OR6C74: variants seen among roughly 807,000 people sequenced by gnomAD.
OR6C74 encodes the protein olfactory receptor family 6 subfamily C member 74.
For synonymous variants in OR6C74, 142 were observed against 134.2 expected (o/e 1.06, Z -0.40); for missense variants, 361 against 362.9 (o/e 0.99, Z 0.04).
chr12:55,248,887 T>G lies in OR6C74; in HGVS notation c.*661T>G, dbSNP rs1478557069. ...TACAATGTGCCAGATGTTATTAAAT[T>G]TATTAGTTCCATCTTCAAAACTCTG... On this transcript the variant is annotated 3_prime_UTR_variant, in exon 2 of 2. Coordinates refer to ENST00000343399, the MANE Select transcript of OR6C74 (RefSeq NM_001005490.2). Among the ~76,000 whole-genome samples the G allele has an allele frequency of 6.6e-6, 1 of 152,218 alleles. No individual in the cohort carries two copies. Among genetic ancestry groups the G allele is most frequent in the Admixed American group, 6.5e-5 (1 of 15,288 alleles).
At chr12:55,245,662 C>T (rs1954265796) in intron 1 of OR6C74, among the ~76,000 whole-genome samples, 2 of 151,988 alleles carry the variant, frequency 1.3e-5, no homozygotes, top group African/African-American at 4.8e-5. Context: ...ATAGTTTTTT[C>T]ATTGCTGTTT....
Position 55,248,331 on chromosome 12 carries a change from T to C in OR6C74, c.*105T>C. On this transcript the variant is annotated 3_prime_UTR_variant, in exon 2 of 2. Coordinates refer to ENST00000343399, the MANE Select transcript of OR6C74 (RefSeq NM_001005490.2). ...GTATTCAATAATATTACCTCTTTTT[T>C]GACTTATAATTTTCATTATGGCCTT... 1 of 694,676 alleles carries C rather than the reference T, an allele frequency of 1.4e-6. No homozygotes were observed. Among genetic ancestry groups the C allele is most frequent in the Non-Finnish European group, 2.3e-6 (1 of 426,850 alleles). The allele number at this position is 694,676 out of a possible 1,614,324, so 43.0% of individuals were successfully genotyped here.
chr12:55,248,230 A>C lies in OR6C74; in HGVS notation c.*4A>C, dbSNP rs781030139. On this transcript the variant is annotated 3_prime_UTR_variant, in exon 2 of 2. Coordinates refer to ENST00000343399, the MANE Select transcript of OR6C74 (RefSeq NM_001005490.2). ...TGAACTTTTCTCAATGAAATGAATC[A>C]CTTTAACGATATTATTAAGGTTATT... The C allele has an allele frequency of 1.2e-5, 18 of 1,553,262 alleles. No homozygotes were observed. The highest frequency in any genetic ancestry group is 1.5e-5 in the Non-Finnish European group (17 of 1,130,700).
At position 55,255,737 on chromosome 12, in the gene OR6C74, G is replaced by T. The variant is rs1004696380; in HGVS notation, c.*7511G>T. Among the ~76,000 whole-genome samples the T allele has an allele frequency of 6.6e-5, 10 of 152,126 alleles. No individual in the cohort carries two copies. The highest frequency in any genetic ancestry group is 6.6e-4 in the Admixed American group (10 of 15,264). Reference sequence around the variant, plus strand: ...ACACCGCATGTTCTCACTCATAAGTGGGAGTTGAACAATGACAGAGAAGAA... The same window carrying T: ...ACACCGCATGTTCTCACTCATAAGTTGGAGTTGAACAATGACAGAGAAGAA... On this transcript the variant is annotated 3_prime_UTR_variant, in exon 2 of 2. Coordinates refer to ENST00000343399, the MANE Select transcript of OR6C74 (RefSeq NM_001005490.2).
intron 1 of OR6C74, among the ~76,000 whole-genome samples, chr12:55,245,598 C>G (rs910708981): frequency 5.3e-5 from 8 of 152,106 alleles, no homozygotes; most frequent in Non-Finnish European, 5.9e-5. Context: ...TATCACCCAG[C>G]AAGCATTTTA....
Position 55,248,914 on chromosome 12 carries a change from A to G in OR6C74, c.*688A>G, listed in dbSNP as rs1320902984. Reference sequence around the variant, plus strand: ...ATTAGTTCCATCTTCAAAACTCTGTAAGACAGGTATTTATATGCTCCATTT... The same window carrying G: ...ATTAGTTCCATCTTCAAAACTCTGTGAGACAGGTATTTATATGCTCCATTT... On this transcript the variant is annotated 3_prime_UTR_variant, in exon 2 of 2. Coordinates refer to ENST00000343399, the MANE Select transcript of OR6C74 (RefSeq NM_001005490.2). Among the ~76,000 whole-genome samples the G allele has an allele frequency of 6.6e-6, 1 of 152,198 alleles. No individual in the cohort carries two copies. The highest frequency in any genetic ancestry group is 1.5e-5 in the Non-Finnish European group (1 of 68,018).
At position 55,256,269 on chromosome 12, in the gene OR6C74, G is replaced by T. The variant is rs1309446600; in HGVS notation, c.*8043G>T. On this transcript the variant is annotated 3_prime_UTR_variant, in exon 2 of 2. Coordinates refer to ENST00000343399, the MANE Select transcript of OR6C74 (RefSeq NM_001005490.2). ...TAGAGCCTATAAATGGACGCATTGGGGGGGCACCTGTTCATATGGATAAGA... is the reference window on the plus strand; with the variant it reads ...TAGAGCCTATAAATGGACGCATTGGTGGGGCACCTGTTCATATGGATAAGA... Among the ~76,000 whole-genome samples, 1 of 151,888 alleles carries T rather than the reference G, an allele frequency of 6.6e-6. No individual in the cohort carries two copies. Among genetic ancestry groups the T allele is most frequent in the Admixed American group, 6.6e-5 (1 of 15,244 alleles).
In OR6C74 at chr12:55,255,837, A is replaced by G. The variant is rs192991899; in HGVS notation, c.*7611A>G. On this transcript the variant is annotated 3_prime_UTR_variant, in exon 2 of 2. Transcript: ENST00000343399. ...AATTATTTAATTTCATTTATATAAT[A>G]TTCTGGTAGAGATAAATTTATAGAG... is the stretch of plus-strand genomic sequence containing the variant. 1.5e-3 allele frequency among the ~76,000 whole-genome samples: 225 copies of G among 152,272 alleles called. No individual in the cohort carries two copies. Among genetic ancestry groups the G allele is most frequent in the African/African-American group, 4.9e-3 (205 of 41,574 alleles).
chr12:55,247,705 A>C lies in OR6C74; in HGVS notation c.418A>C (p.Ser140Arg). 1 of 1,614,072 alleles carries C rather than the reference A, an allele frequency of 6.2e-7. No individual in the cohort carries two copies. Among genetic ancestry groups the C allele is most frequent in the Non-Finnish European group, 8.5e-7 (1 of 1,180,002 alleles). The change falls in exon 2 of 2, where the codon AGC becomes CGC. Residue 140 changes from serine to arginine, a missense_variant. Physicochemically the swap from Ser to Arg is moderately radical, Grantham distance 110. Coordinates refer to ENST00000343399, the MANE Select transcript of OR6C74 (RefSeq NM_001005490.2). ...YTTIMSSRVC[S>R]LLVFASWMAG... ...CACCATCATGAGCAGCAGAGTTTGC[A>C]GCTTGCTGGTCTTTGCTTCATGGAT...
chr12:55,248,310 T>G lies in OR6C74; in HGVS notation c.*84T>G. The G allele has an allele frequency of 1.3e-6, 1 of 782,576 alleles. No homozygotes were observed. Among genetic ancestry groups the G allele is most frequent in the South Asian group, 1.9e-5 (1 of 52,396 alleles). The allele number at this position is 782,576 out of a possible 1,614,324, so 48.5% of individuals were successfully genotyped here. ...GTGCAAAGTTTTTCAATGTTTGTAT[T>G]CAATAATATTACCTCTTTTTTGACT... On this transcript the variant is annotated 3_prime_UTR_variant, in exon 2 of 2. Coordinates refer to ENST00000343399, the MANE Select transcript of OR6C74 (RefSeq NM_001005490.2).
In OR6C74 at chr12:55,256,484, A is replaced by G. The variant is rs112327302; in HGVS notation, c.*8258A>G. 0.016 allele frequency among the ~76,000 whole-genome samples: 2,449 copies of G among 152,182 alleles called. 61 individuals carry two copies. The highest frequency in any genetic ancestry group is 0.05 in the African/African-American group (2,075 of 41,524). The stretch of plus-strand genomic sequence containing the variant: ...ATAACTTGCTAATCATAGGTTATGG[A>G]AAGACTGTGTTTCTGTTTTAAGGCT... On this transcript the variant is annotated 3_prime_UTR_variant, in exon 2 of 2. Coordinates refer to ENST00000343399, the MANE Select transcript of OR6C74 (RefSeq NM_001005490.2).
Position 55,256,323 on chromosome 12 carries a change from C to G in OR6C74, c.*8097C>G, listed in dbSNP as rs1338556156. Among the ~76,000 whole-genome samples, 42 of 152,074 alleles carry G rather than the reference C, an allele frequency of 2.8e-4. No homozygotes were observed. The highest frequency in any genetic ancestry group is 2.8e-3 in the Admixed American group (42 of 15,254). On this transcript the variant is annotated 3_prime_UTR_variant, in exon 2 of 2. Coordinates refer to ENST00000343399, the MANE Select transcript of OR6C74 (RefSeq NM_001005490.2). ...GGCTATAAACGCCCTCATCTTGCCACAGCTCTTCTAGGCCTCTTTGGGGGT... is the reference window on the plus strand; with the variant it reads ...GGCTATAAACGCCCTCATCTTGCCAGAGCTCTTCTAGGCCTCTTTGGGGGT...
chr12:55,248,648 T>A lies in OR6C74; in HGVS notation c.*422T>A, dbSNP rs1023891565. Among the ~76,000 whole-genome samples the A allele has an allele frequency of 1.3e-5, 2 of 152,198 alleles. No homozygotes were observed. Among genetic ancestry groups the A allele is most frequent in the African/African-American group, 4.8e-5 (2 of 41,446 alleles). ...ATTATTGGTGGATACAAAAGTGAAATCTGCTTTCTTTCTTAGTGTTTAGTA... is the reference window on the plus strand; with the variant it reads ...ATTATTGGTGGATACAAAAGTGAAAACTGCTTTCTTTCTTAGTGTTTAGTA... On this transcript the variant is annotated 3_prime_UTR_variant, in exon 2 of 2. Coordinates refer to ENST00000343399, the MANE Select transcript of OR6C74 (RefSeq NM_001005490.2).
rs1943315337 is a variant in OR6C74 at position 55,251,420 on chromosome 12, A to G, written c.*3194A>G. Reference sequence around the variant, plus strand: ...CGAACTCTAAATCTCATAGTTTTCTACATTCTCTTCATCCAAGCCGGTGCC... The same window carrying G: ...CGAACTCTAAATCTCATAGTTTTCTGCATTCTCTTCATCCAAGCCGGTGCC... On this transcript the variant is annotated 3_prime_UTR_variant, in exon 2 of 2. Coordinates refer to ENST00000343399, the MANE Select transcript of OR6C74 (RefSeq NM_001005490.2). 1.3e-5 allele frequency among the ~76,000 whole-genome samples: 2 copies of G among 152,184 alleles called. No individual in the cohort carries two copies. Among genetic ancestry groups the G allele is most frequent in the South Asian group, 2.1e-4 (1 of 4,826 alleles).
Position 55,256,311 on chromosome 12 carries a change from C to G in OR6C74, c.*8085C>G, listed in dbSNP as rs958436940. Among the ~76,000 whole-genome samples, 2 of 152,004 alleles carry G rather than the reference C, an allele frequency of 1.3e-5. No homozygotes were observed. Among genetic ancestry groups the G allele is most frequent in the East Asian group, 3.9e-4 (2 of 5,158 alleles). ...TGGATAAGATAGGGCTATAAACGCC[C>G]TCATCTTGCCACAGCTCTTCTAGGC... On this transcript the variant is annotated 3_prime_UTR_variant, in exon 2 of 2. Coordinates refer to ENST00000343399, the MANE Select transcript of OR6C74 (RefSeq NM_001005490.2).
At chr12:55,245,641 A>T (rs1204906961) in intron 1 of OR6C74, among the ~76,000 whole-genome samples, 1 of 152,122 alleles carries the variant, frequency 6.6e-6, no homozygotes, top group African/African-American at 2.4e-5. Flanking sequence ...AATGCTGTCA[A>T]GTAGGTTATA....
rs1340525096 is a variant in OR6C74 at position 55,248,584 on chromosome 12, G to T, written c.*358G>T. On this transcript the variant is annotated 3_prime_UTR_variant, in exon 2 of 2. Transcript: ENST00000343399. ...CAATTTGTCATATATTCTACATAGA[G>T]TTCAGTAGACTACCTAGGTTTGATC... Among the ~76,000 whole-genome samples, 1 of 152,138 alleles carries T rather than the reference G, an allele frequency of 6.6e-6. No individual in the cohort carries two copies. Among genetic ancestry groups the T allele is most frequent in the African/African-American group, 2.4e-5 (1 of 41,428 alleles).
rs1954308612 is a variant in OR6C74, at chr12:55,251,060, TG to T, written c.*2835del. Among the ~76,000 whole-genome samples, 1 of 152,100 alleles carries T rather than the reference TG, an allele frequency of 6.6e-6. No homozygotes were observed. The highest frequency in any genetic ancestry group is 6.6e-5 in the Admixed American group (1 of 15,254). ...TGGTTCTCCGTTGCCTGCAAAATAATGACAAAATTCCCCAAATATTTGCATA... is the reference window on the plus strand; with the variant it reads ...TGGTTCTCCGTTGCCTGCAAAATAATACAAAATTCCCCAAATATTTGCATA... On this transcript the variant is annotated 3_prime_UTR_variant, in exon 2 of 2. Transcript: ENST00000343399.
Position 55,251,175 on chromosome 12 carries a change from T to C in OR6C74, c.*2949T>C, listed in dbSNP as rs971314321. On this transcript the variant is annotated 3_prime_UTR_variant, in exon 2 of 2. Transcript: ENST00000343399. ...TAAACAACTAAGTATATTGCAAAAC[T>C]TGTGTGCTGTCACGTATATTGAATG... is the stretch of plus-strand genomic sequence containing the variant. 6.6e-6 allele frequency among the ~76,000 whole-genome samples: 1 copy of C among 152,120 alleles called. No individual in the cohort carries two copies. The highest frequency in any genetic ancestry group is 1.5e-5 in the Non-Finnish European group (1 of 67,982).
Sources: allele counts gnomAD v4.1 joint callset (sites outside exome capture counted in the v4.1 genomes callset), GRCh38; gene constraint gnomAD v4.1.1; transcripts MANE v1.5; gene names NCBI Gene and HGNC (gene_info 2026-07-23, HGNC 2026-07-21).